Variants in PLIN5 observed in about 807,000 individuals in gnomAD.
PLIN5 encodes perilipin-5.
PLIN5 carries 34 observed loss-of-function variants against 32.8 expected under a neutral mutation model. The ratio of observed to expected loss-of-function variants is 1.04; its 90% CI spans 0.79 to 1.38. The LOEUF is 1.38. Ranked by LOEUF, PLIN5 falls within the 40% of genes most tolerant of loss-of-function variation. The pLI, the probability that PLIN5 is intolerant of heterozygous loss-of-function variation, is 0.00. For missense variants in PLIN5, 712 were observed against 660.5 expected (o/e 1.08, Z -0.85); for synonymous variants, 309 against 292.9 (o/e 1.05, Z -0.56).
At chr19:4,524,240 G>A (rs1278878978) in intron 7 of PLIN5, among the ~76,000 whole-genome samples, 155 bp from the exon 8 acceptor site, 1 of 152,166 alleles carries the variant, frequency 6.6e-6, no homozygotes, top group Admixed American at 6.5e-5. Flanking sequence ...ACCCAGCCCT[G>A]ACTCAGTCTC....
At chr19:4,528,871 C>A in intron 5 of PLIN5, 1 of 522,298 alleles carries the variant, frequency 1.9e-6, no homozygotes, top group Admixed American at 3.7e-5. Context: ...CCCTTAGGGT[C>A]TGGGTGTTCT....
At chr19:4,533,641 A>T in intron 2 of PLIN5, 1 of 420,502 alleles carries the variant, frequency 2.4e-6, no homozygotes, top group African/African-American at 2.0e-5. Context: ...AGGAGCCAAT[A>T]TACATGAAAC....
rs149356175 is a variant in PLIN5 at position 4,524,802 on chromosome 19, TC to T, written c.834+160del. On this transcript the variant is annotated intron_variant, in intron 7 of 7. Coordinates refer to ENST00000381848, the MANE Select transcript of PLIN5 (RefSeq NM_001013706.3). ...AATGGGACTTAAACCTGCCTCAGTT[TC>T]CCCCCCCAGACACCTCAACTAGCTG... 1.5e-3 allele frequency among the ~76,000 whole-genome samples: 222 copies of T among 151,442 alleles called. 1 individual carries two copies. The highest frequency in any genetic ancestry group is 0.013 in the East Asian group (65 of 5,152).
rs1299421784 is a variant in PLIN5, at chr19:4,529,800, T to C, written c.323A>G (p.Gln108Arg). The C allele has an allele frequency of 6.2e-7, 1 of 1,611,512 alleles. No homozygotes were observed. The change falls in exon 4 of 8, where the codon CAG (glutamine) becomes CGG (arginine). Residue 108 changes from glutamine to arginine, a missense_variant. Gln to Arg is a conservative substitution (Grantham distance 43). Coordinates refer to ENST00000381848, the MANE Select transcript of PLIN5 (RefSeq NM_001013706.3). ...CCGGGGTACCGTCTCCGAAGGTTGC[T>C]GGAGAAAGGGAAGCTTCTCTTCCAG... ...DKLEEKLPFL[Q>R]QPSETVVTSA...
intron 7 of PLIN5, among the ~76,000 whole-genome samples, chr19:4,524,677 C>T (rs1394791732): frequency 6.6e-6 from 1 of 151,612 alleles, no homozygotes; most frequent in Non-Finnish European, 1.5e-5. Context: ...CTTGCTTGGG[C>T]CAACACCCCC....
rs759448374 is a variant in PLIN5 at position 4,523,704 on chromosome 19, G to A, written c.1216C>T (p.Arg406Cys). The A allele has an allele frequency of 5.3e-5, 85 of 1,604,456 alleles. No individual in the cohort carries two copies. The highest frequency in any genetic ancestry group is 3.5e-4 in the South Asian group (32 of 90,874). The change falls in exon 8 of 8, where the codon CGC becomes TGC. Residue 406 changes from arginine to cysteine, a missense_variant. Transcript: ENST00000381848. This position sits in a 1 kb window ranked among gnomAD's most constrained non-coding sequence, Gnocchi z 5.0. The stretch of plus-strand genomic sequence containing the variant: ...GCCGGCCAGTCCAGGTGCGCCCAGC[G>A]GGGGTCAGGGCCCCCGATGACCTCG... ...VDEVIGGPDP[R>C]WAHLDWPAQQ...
chr19:4,525,555 G>C lies in PLIN5; in HGVS notation c.720+78C>G. ...CCGCCTCCTGCTTTAGGCTAGCACG[G>C]GATCCGGTATTCAGCTGGTGCTCAA... On this transcript the variant is annotated intron_variant, in intron 6 of 7. Coordinates refer to ENST00000381848, the MANE Select transcript of PLIN5 (RefSeq NM_001013706.3). The surrounding 1 kb of genome is among the most constrained non-coding windows in gnomAD (Gnocchi z 5.6). The C allele has an allele frequency of 6.5e-7, 1 of 1,542,494 alleles. No homozygotes were observed. Among genetic ancestry groups the C allele is most frequent in the Non-Finnish European group, 8.8e-7 (1 of 1,132,912 alleles).
chr19:4,526,991 C>A (rs1449919929), intron 5 of PLIN5, among the ~76,000 whole-genome samples: 1 of 152,138 alleles, frequency 6.6e-6, no homozygotes, highest in African/African-American at 2.4e-5. Context: ...AATCCCAGCA[C>A]TTTGGGAGGC....
intron 2 of PLIN5, 96 bp from the exon 3 acceptor site, chr19:4,531,918 GGA>G: frequency 7.7e-7 from 1 of 1,301,310 alleles, no homozygotes; most frequent in Admixed American, 2.9e-5. Context: ...ACGAGGGATG[GGA>G]GAGTGGAAGG....
intron 2 of PLIN5, chr19:4,533,705 A>G: frequency 1.9e-6 from 1 of 512,998 alleles, no homozygotes; most frequent in Admixed American, 3.4e-5. Context: ...GTTGTTACTG[A>G]GGGCGCCATG....
chr19:4,532,511 G>GTTTTTA (rs1176373851), intron 2 of PLIN5: 2 of 152,142 alleles, frequency 1.3e-5, no homozygotes, highest in Admixed American at 6.5e-5. Flanking sequence ...AGCCAATTTT[G>GTTTTTA]TTTTTATTTT....
intron 5 of PLIN5, among the ~76,000 whole-genome samples, chr19:4,527,557 A>C (rs938444836): frequency 1.3e-5 from 2 of 149,018 alleles, no homozygotes; most frequent in Admixed American, 6.7e-5. Flanking sequence ...AAAAAAAAAA[A>C]AAAAAAAAAC....
chr19:4,531,201 A>G (rs1228500597), intron 3 of PLIN5, among the ~76,000 whole-genome samples: 1 of 150,680 alleles, frequency 6.6e-6, no homozygotes, highest in East Asian at 2.0e-4. Flanking sequence ...GGGTTTCACT[A>G]TGTTGTCCAG....
Position 4,529,225 on chromosome 19 carries a change from G to A in PLIN5, c.368C>T (p.Ala123Val), listed in dbSNP as rs780924672. 1.2e-6 allele frequency: 2 copies of A among 1,610,672 alleles called. No homozygotes were observed. Among genetic ancestry groups the A allele is most frequent in the South Asian group, 2.2e-5 (2 of 90,724 alleles). The change falls in exon 5 of 8, where the codon GCC (alanine) becomes GTC (valine). Residue 123 changes from alanine (A) to valine (V), a missense_variant. Transcript: ENST00000381848. ...GTCCACCACACCCGTGACACTGCTG[G>A]CCACCACGTCCTTGGCTGAGGTCAC... ...TVVTSAKDVVASSVTGVVDLA... is the reference protein window; with the variant it reads ...TVVTSAKDVVVSSVTGVVDLA...
In PLIN5 at chr19:4,525,905, C is replaced by CACGGGGACAGGAT. The variant is rs1246126971; in HGVS notation, c.521-86_521-74dup. 77 of 531,532 alleles carry CACGGGGACAGGAT rather than the reference C, an allele frequency of 1.4e-4. No individual in the cohort carries two copies. The highest frequency in any genetic ancestry group is 2.2e-4 in the Non-Finnish European group (66 of 298,716). The allele number at this position is 531,532 out of a possible 1,614,324, so 32.9% of individuals were successfully genotyped here. On this transcript the variant is annotated intron_variant, in intron 5 of 7. Transcript: ENST00000381848. This position sits in a 1 kb window ranked among gnomAD's most constrained non-coding sequence, Gnocchi z 5.6. ...GCACGGGGACAGGATACGGGGACAG[C>CACGGGGACAGGAT]ACGGGGACAGGATACGGGGACAGCA...
intron 3 of PLIN5, 42 bp from the exon 4 acceptor site, chr19:4,529,908 G>A: frequency 7.5e-7 from 1 of 1,341,396 alleles, no homozygotes; most frequent in Non-Finnish European, 1.0e-6. Context: ...GGGAGACGCA[G>A]AGGGAGATAG....
rs1976788251 is a variant in PLIN5, at chr19:4,525,428, C to A, written c.720+205G>T. Among the ~76,000 whole-genome samples the A allele has an allele frequency of 6.6e-6, 1 of 152,184 alleles. No individual in the cohort carries two copies. Among genetic ancestry groups the A allele is most frequent in the Admixed American group, 6.5e-5 (1 of 15,278 alleles). Reference sequence around the variant, plus strand: ...TTCTCCTTCCCCTCTTCCACAAAACCCCTCCCTGACTCTCCAGGCAGAGCC... The same window carrying A: ...TTCTCCTTCCCCTCTTCCACAAAACACCTCCCTGACTCTCCAGGCAGAGCC... On this transcript the variant is annotated intron_variant, in intron 6 of 7. Coordinates refer to ENST00000381848, the MANE Select transcript of PLIN5 (RefSeq NM_001013706.3). The surrounding 1 kb of genome is among the most constrained non-coding windows in gnomAD (Gnocchi z 5.6).
chr19:4,526,260 C>A (rs1266059254), intron 5 of PLIN5, among the ~76,000 whole-genome samples: 1 of 152,040 alleles, frequency 6.6e-6, no homozygotes, highest in African/African-American at 2.4e-5. Context: ...CTCGCTCTGT[C>A]CCCTAGGCTG....
At chr19:4,530,314 A>G (rs1347565762) in intron 3 of PLIN5, among the ~76,000 whole-genome samples, 2 of 152,148 alleles carry the variant, frequency 1.3e-5, no homozygotes, top group African/African-American at 4.8e-5. Context: ...AGCCGTGCCC[A>G]GCTCAGATGG....
Sources: gnomAD v4.1 joint callset for allele counts (sites outside exome capture counted in the v4.1 genomes callset) on GRCh38, gnomAD v4.1.1 for gene constraint, Gnocchi (gnomAD v3.1) non-coding constraint, MANE v1.5 for transcripts, NCBI Gene and HGNC (gene_info 2026-07-23, HGNC 2026-07-21) for gene names.